Variants in WDFY3 observed in about 807,000 individuals in gnomAD.
The protein encoded by WDFY3 is WD repeat and FYVE domain-containing protein 3.
In WDFY3, 66 loss-of-function variants were observed where a neutral mutation model predicts 409.6. That is an observed-to-expected ratio of 0.16 (90% CI 0.13 to 0.20). WDFY3 has a LOEUF of 0.20. Ranked by LOEUF, WDFY3 falls within the 10% of genes least tolerant of loss-of-function variation. The pLI is 1.00. For synonymous variants in WDFY3, 1,521 were observed against 1,537.1 expected (o/e 0.99, Z 0.25); for missense variants, 3,031 against 4,298.1 (o/e 0.71, Z 8.24).
At chr4:84,734,987 A>C in intron 43 of WDFY3, 56 bp downstream of exon 43, 1 of 1,428,728 alleles carries the variant, frequency 7.0e-7, no homozygotes, top group Non-Finnish European at 9.8e-7. Flanking sequence ...ACAAACAGAG[A>C]CCTTTCACAT....
chr4:84,912,114 A>T (rs1767877003), intron 2 of WDFY3, among the ~76,000 whole-genome samples: 1 of 152,218 alleles, frequency 6.6e-6, no homozygotes, highest in Non-Finnish European at 1.5e-5. Flanking sequence ...ATTTTTCATC[A>T]TGTTTAGCTC....
rs375630318 is a variant in WDFY3 at position 84,691,727 on chromosome 4, T to C, written c.9108A>G (p.Glu3036=). 6.2e-6 allele frequency: 10 copies of C among 1,614,014 alleles called. No homozygotes were observed. The highest frequency in any genetic ancestry group is 8.5e-6 in the Non-Finnish European group (10 of 1,179,980). ...VCTDKGILAV[E]QNKVLIPPTW... is the part of the protein sequence containing the mutation. Reference sequence around the variant, plus strand: ...TTGGTGGGATAAGAACCTTATTCTGTTCCACCGCAAGAATACCTTTATCTG... The same window carrying C: ...TTGGTGGGATAAGAACCTTATTCTGCTCCACCGCAAGAATACCTTTATCTG... Residue 3036 remains glutamate (E), a synonymous_variant, in exon 60 of 68, where the codon GAA becomes GAG. Coordinates refer to ENST00000295888, the MANE Select transcript of WDFY3 (RefSeq NM_014991.6).
At chr4:84,962,540 C>G (rs560734292) in intron 1 of WDFY3, among the ~76,000 whole-genome samples, 1 of 152,060 alleles carries the variant, frequency 6.6e-6, no homozygotes, top group Non-Finnish European at 1.5e-5. Flanking sequence ...TTTAGAGTAA[C>G]GGAAACGTCC....
intron 3 of WDFY3, among the ~76,000 whole-genome samples, chr4:84,867,897 G>A (rs1207293325): frequency 2.0e-5 from 3 of 151,936 alleles, no homozygotes; most frequent in Admixed American, 6.6e-5. Context: ...CCTGCCGGGC[G>A]CAGTGGCTCA....
chr4:84,766,317 G>A lies in WDFY3; in HGVS notation c.4905C>T (p.Asn1635=). 2 of 1,602,448 alleles carry A rather than the reference G, an allele frequency of 1.2e-6. No individual in the cohort carries two copies. Among genetic ancestry groups the A allele is most frequent in the Non-Finnish European group, 1.7e-6 (2 of 1,176,308 alleles). ...GTTTTAGCAAGATATCCAGAAGTCT[G>A]TTCCTCAAAAGTATAAGATTAGCTG... ...LVSANLILLR[N]RLLDILLKLI... is the part of the protein sequence containing the mutation. Residue 1635 remains asparagine, a synonymous_variant, in exon 31 of 68, where the codon AAC becomes AAT. Transcript: ENST00000295888.
intron 3 of WDFY3, among the ~76,000 whole-genome samples, chr4:84,887,447 C>G (rs970819485): frequency 1.3e-5 from 2 of 152,172 alleles, no homozygotes; most frequent in African/African-American, 4.8e-5. Context: ...AAAACACCAG[C>G]CATTCTTTCC....
intron 2 of WDFY3, among the ~76,000 whole-genome samples, chr4:84,929,056 AC>A (rs2150940018): frequency 6.6e-6 from 1 of 152,324 alleles, no homozygotes; most frequent in Non-Finnish European, 1.5e-5. Flanking sequence ...AGACTATATT[AC>A]AAAAACACTG....
At chr4:84,714,794 C>A (rs1464725231) in intron 50 of WDFY3, among the ~76,000 whole-genome samples, 1 of 151,776 alleles carries the variant, frequency 6.6e-6, no homozygotes, top group Non-Finnish European at 1.5e-5. Context: ...ACTAAAAATA[C>A]AAAAAATAAG....
At chr4:84,828,266 G>A (rs1053280503) in intron 9 of WDFY3, among the ~76,000 whole-genome samples, 2 of 113,476 alleles carry the variant, frequency 1.8e-5, no homozygotes, top group Non-Finnish European at 3.6e-5. Flanking sequence ...GTATGTGCAC[G>A]AACCATTTGA....
intron 10 of WDFY3, among the ~76,000 whole-genome samples, chr4:84,826,524 A>G (rs952533735): frequency 6.6e-6 from 1 of 152,230 alleles, no homozygotes; most frequent in Non-Finnish European, 1.5e-5. Context: ...AAGTGCCAAC[A>G]TTCAAAAGAA....
At chr4:84,811,202 T>C (rs1752436952) in intron 13 of WDFY3, among the ~76,000 whole-genome samples, 2 of 152,274 alleles carry the variant, frequency 1.3e-5, no homozygotes, top group African/African-American at 4.8e-5. Flanking sequence ...TTTCACCATA[T>C]TGGCCAGGCT....
chr4:84,854,662 C>A (rs973405430), intron 4 of WDFY3, among the ~76,000 whole-genome samples: 1 of 152,182 alleles, frequency 6.6e-6, no homozygotes, highest in Non-Finnish European at 1.5e-5. Flanking sequence ...TTAATCCCAG[C>A]ACTTTGGGAG....
intron 22 of WDFY3, 71 bp from the exon 23 acceptor site, chr4:84,787,784 T>C: frequency 1.5e-6 from 2 of 1,306,772 alleles, no homozygotes; most frequent in South Asian, 2.7e-5. Flanking sequence ...CTTCAGCATA[T>C]GTATTTTCAT....
intron 67 of WDFY3, among the ~76,000 whole-genome samples, chr4:84,673,262 A>G (rs1182379437): frequency 6.6e-6 from 1 of 152,180 alleles, no homozygotes; most frequent in Non-Finnish European, 1.5e-5. Context: ...TTTCCTATAC[A>G]ATGAGGCCAA....
At chr4:84,729,390 T>C (rs942306155) in intron 44 of WDFY3, among the ~76,000 whole-genome samples, 2 of 152,006 alleles carry the variant, frequency 1.3e-5, no homozygotes, top group Admixed American at 6.6e-5. Flanking sequence ...GTTTTAATTA[T>C]GAAAATTACT....
intron 7 of WDFY3, among the ~76,000 whole-genome samples, chr4:84,834,366 G>T (rs1051024536): frequency 2.0e-5 from 3 of 152,068 alleles, no homozygotes; most frequent in Admixed American, 2.0e-4. Context: ...CTCATTCCTG[G>T]CTGGGTGTGG....
intron 51 of WDFY3, among the ~76,000 whole-genome samples, chr4:84,709,945 C>T (rs1345236190): frequency 6.6e-6 from 1 of 152,176 alleles, no homozygotes; most frequent in African/African-American, 2.4e-5. Flanking sequence ...AGGTCTCGAC[C>T]TCCTGACCTC....
At chr4:84,936,487 C>T (rs777554632) in intron 1 of WDFY3, among the ~76,000 whole-genome samples, 1 of 151,976 alleles carries the variant, frequency 6.6e-6, no homozygotes, top group Non-Finnish European at 1.5e-5. Context: ...TGCCACTGCC[C>T]TTCAGCCTGG....
intron 8 of WDFY3, among the ~76,000 whole-genome samples, 197 bp from the exon 9 acceptor site, chr4:84,829,387 A>C (rs927002057): frequency 1.2e-4 from 18 of 152,306 alleles, no homozygotes; most frequent in African/African-American, 4.3e-4. Context: ...GTAGTAAACA[A>C]AGGATAATAC....
Sources: allele counts gnomAD v4.1 joint callset (sites outside exome capture counted in the v4.1 genomes callset), GRCh38; gene constraint gnomAD v4.1.1; transcripts MANE v1.5; gene names NCBI Gene and HGNC (gene_info 2026-07-23, HGNC 2026-07-21).